LRRC37A: variants seen among roughly 807,000 people sequenced by gnomAD.
LRRC37A encodes leucine-rich repeat-containing protein 37A.
LRRC37A carries 3 observed loss-of-function variants against 35.4 expected under a neutral mutation model. The observed-to-expected ratio is 0.08, with a 90% CI of 0.04 to 0.22. LRRC37A has a LOEUF of 0.22. LRRC37A is among the 10% of genes least tolerant of loss of function. LRRC37A has a pLI of 1.00. For synonymous variants in LRRC37A, 23 were observed against 215.0 expected (o/e 0.11, Z 7.81); for missense variants, 67 against 565.3 (o/e 0.12, Z 8.94).
chr17:46,262,199 C>T, the LRRC37A span, among the ~76,000 whole-genome samples: 2 of 152,346 alleles, frequency 1.3e-5, no homozygotes, highest in African/African-American at 4.8e-5. Flanking sequence ...ATCCACCCAC[C>T]TTGGCCTCCC....
chr17:46,272,006 C>A, the LRRC37A span, among the ~76,000 whole-genome samples: 15,203 of 143,220 alleles, frequency 0.11, 1 homozygote, highest in Middle Eastern at 0.18. Flanking sequence ...GTGATCTGCC[C>A]GCTTCAGCCT....
Position 46,323,643 on chromosome 17 carries a change from T to C in LRRC37A, c.3053+616T>C, listed in dbSNP as rs1435310035. Reference sequence around the variant, plus strand: ...AACTCCTGACCTCAAGTGATCCGCCTGCCTCAGCCTCCCAAAGTGCTAGGA... The same window carrying C: ...AACTCCTGACCTCAAGTGATCCGCCCGCCTCAGCCTCCCAAAGTGCTAGGA... On this transcript the variant is annotated intron_variant, in intron 7 of 13. Transcript: ENST00000320254. Among the ~76,000 whole-genome samples, 2 of 100,324 alleles carry C rather than the reference T, an allele frequency of 2.0e-5. 1 individual carries two copies. The highest frequency in any genetic ancestry group is 4.7e-5 in the Non-Finnish European group (2 of 42,948). The allele number at this position is 100,324 out of a possible 152,430, so 65.8% of individuals were successfully genotyped here.
Position 46,300,119 on chromosome 17 carries a change from G to T in LRRC37A, c.2681+254G>T, listed in dbSNP as rs2067119. 1.3e-3 allele frequency among the ~76,000 whole-genome samples: 91 copies of T among 68,444 alleles called. 10 individuals are homozygous for T. The highest frequency in any genetic ancestry group is 4.1e-3 in the Admixed American group (26 of 6,392). 44.9% of individuals were successfully genotyped at this position (68,444 alleles called of 152,430 possible). A position where few individuals can be genotyped will look rare whatever the true frequency, so the allele number is the denominator to read the frequency against. Reference sequence around the variant, plus strand: ...TATATTCCTTTTTGTTCTCTTTTTTGTTTTTTTTTTCAGAGACAGGGTCTT... The same window carrying T: ...TATATTCCTTTTTGTTCTCTTTTTTTTTTTTTTTTTCAGAGACAGGGTCTT... On this transcript the variant is annotated intron_variant, in intron 2 of 13. Transcript: ENST00000320254.
chr17:46,330,993 A>G (rs1598175218), exon 9 of LRRC37A: 1 of 723,834 alleles, frequency 1.4e-6, no homozygotes, highest in Admixed American at 2.9e-5. Context: ...TCGTTCACCC[A>G]AGAGCATAAG....
chr17:46,255,052 T>A, the LRRC37A span, among the ~76,000 whole-genome samples: 1 of 152,166 alleles, frequency 6.6e-6, no homozygotes, highest in Non-Finnish European at 1.5e-5. Flanking sequence ...GCCAGGCTGG[T>A]CTCAAACTCC....
the LRRC37A span, among the ~76,000 whole-genome samples, chr17:46,281,869 C>A: frequency 6.6e-6 from 1 of 152,164 alleles, no homozygotes; most frequent in Non-Finnish European, 1.5e-5. Flanking sequence ...GTCTCAAACT[C>A]CTGACCTCAG....
the LRRC37A span, among the ~76,000 whole-genome samples, chr17:46,262,242 A>ATG: frequency 6.6e-6 from 1 of 151,980 alleles, no homozygotes; most frequent in Non-Finnish European, 1.5e-5. Context: ...GAGCCACTGC[A>ATG]CCGGGCCTCT....
At chr17:46,267,554 C>T in the LRRC37A span, 45 of 1,612,594 alleles carry the variant, frequency 2.8e-5, no homozygotes, top group Non-Finnish European at 3.6e-5. Context: ...TGCATATGTA[C>T]TTTATACCAC....
chr17:46,268,445 T>G, the LRRC37A span: 1 of 1,209,472 alleles, frequency 8.3e-7, no homozygotes, highest in Non-Finnish European at 1.1e-6. Context: ...GGCCTTATAT[T>G]TTCTGTTTCA....
the LRRC37A span, among the ~76,000 whole-genome samples, chr17:46,283,562 G>A: frequency 4.5e-4 from 69 of 152,354 alleles, no homozygotes; most frequent in African/African-American, 1.6e-3. Flanking sequence ...CCTAAGATGA[G>A]CTTCCTCTGC....
the LRRC37A span, among the ~76,000 whole-genome samples, chr17:46,276,612 T>C: frequency 6.6e-6 from 1 of 152,250 alleles, no homozygotes; most frequent in South Asian, 2.1e-4. Context: ...AGATCATAAA[T>C]TACAATGGGA....
the LRRC37A span, chr17:46,267,308 G>GT: frequency 1.4e-6 from 2 of 1,395,236 alleles, no homozygotes; most frequent in Non-Finnish European, 9.6e-7. Context: ...TTCCCAAACT[G>GT]TTTTTTGGAA....
the LRRC37A span, among the ~76,000 whole-genome samples, chr17:46,253,567 C>G: frequency 3.9e-5 from 6 of 152,226 alleles, no homozygotes; most frequent in Non-Finnish European, 8.8e-5. Context: ...GCCAACGCAG[C>G]GAAACCCCGT....
At chr17:46,281,637 T>C in the LRRC37A span, among the ~76,000 whole-genome samples, 5,291 of 129,900 alleles carry the variant, frequency 0.041, no homozygotes, top group Middle Eastern at 0.08. Context: ...GTTATGTTGG[T>C]AAGGTTGGGA....
At chr17:46,280,237 G>A in the LRRC37A span, among the ~76,000 whole-genome samples, 6 of 152,182 alleles carry the variant, frequency 3.9e-5, no homozygotes, top group African/African-American at 1.2e-4. Context: ...GGTGGCAGGC[G>A]CCTGTAATCC....
the LRRC37A span, among the ~76,000 whole-genome samples, chr17:46,263,443 T>C: frequency 6.7e-6 from 1 of 148,376 alleles, no homozygotes; most frequent in East Asian, 2.0e-4. Context: ...CCCAGCTACT[T>C]GAGAGGCTGA....
the LRRC37A span, chr17:46,259,481 T>C: frequency 0.063 from 89,376 of 1,412,548 alleles, 78 homozygotes; most frequent in Middle Eastern, 0.099. Context: ...CCACCCAGGT[T>C]TGCTGGGTTG....
the LRRC37A span, among the ~76,000 whole-genome samples, chr17:46,285,241 CTTTTTT>C: frequency 2.2e-5 from 3 of 138,424 alleles, no homozygotes; most frequent in Non-Finnish European, 4.7e-5. Context: ...CTTTTCTTTC[CTTTTTT>C]TTTTTTTTTT....
the LRRC37A span, among the ~76,000 whole-genome samples, chr17:46,253,458 C>T: frequency 1.3e-5 from 2 of 152,170 alleles, no homozygotes; most frequent in African/African-American, 2.4e-5. Context: ...GCCTGGGCAC[C>T]ACTGAGCACT....
Sources: gnomAD v4.1 joint callset for allele counts (sites outside exome capture counted in the v4.1 genomes callset) on GRCh38, gnomAD v4.1.1 for gene constraint, MANE v1.5 for transcripts, NCBI Gene and HGNC (gene_info 2026-07-23, HGNC 2026-07-21) for gene names.